ANKRD17: variants seen among roughly 807,000 people sequenced by gnomAD.
ANKRD17 encodes the protein ankyrin repeat domain-containing protein 17.
Under a neutral mutation model 229.7 loss-of-function variants are expected in ANKRD17, and 19 were observed. The observed-to-expected ratio is 0.08, with a 90% CI of 0.06 to 0.12. The LOEUF is 0.12. ANKRD17 is among the 10% of genes least tolerant of loss of function. The pLI is 1.00. For missense variants in ANKRD17, 2,176 were observed against 3,176.8 expected, an observed-to-expected ratio of 0.68 and a Z score of 7.57; for synonymous variants, 1,112 against 1,146.1, an observed-to-expected ratio of 0.97 and a Z score of 0.60.
At chr4:73,094,380 C>A (rs533582032) in intron 27 of ANKRD17, 152 bp from the exon 28 acceptor site, 2 of 694,740 alleles carry the variant, frequency 2.9e-6, no homozygotes, top group Non-Finnish European at 4.6e-6. Context: ...TCTAGATGAA[C>A]AGAGAAAAGG....
At chr4:73,202,936 G>A (rs1293653850) in intron 1 of ANKRD17, among the ~76,000 whole-genome samples, 1 of 152,160 alleles carries the variant, frequency 6.6e-6, no homozygotes, top group Non-Finnish European at 1.5e-5. Flanking sequence ...GAAACAATGA[G>A]AGAAATGAAG....
At chr4:73,094,878 TA>T (rs1462951794) in intron 27 of ANKRD17, among the ~76,000 whole-genome samples, 1 of 152,066 alleles carries the variant, frequency 6.6e-6, no homozygotes, top group Non-Finnish European at 1.5e-5. Context: ...AGAGTGATGT[TA>T]AAAATTCATG....
intron 2 of ANKRD17, among the ~76,000 whole-genome samples, chr4:73,162,035 T>G (rs998988336): frequency 3.3e-5 from 5 of 150,812 alleles, no homozygotes; most frequent in Non-Finnish European, 5.9e-5. Flanking sequence ...ACCACCACAC[T>G]AGGCTGATTT....
intron 1 of ANKRD17, among the ~76,000 whole-genome samples, chr4:73,190,110 T>G (rs1736853649): frequency 6.6e-6 from 1 of 152,192 alleles, no homozygotes; most frequent in Non-Finnish European, 1.5e-5. Context: ...GGCTTACACC[T>G]GTAATCCTAG....
intron 15 of ANKRD17, 130 bp from the exon 16 acceptor site, chr4:73,135,395 A>C: frequency 1.3e-6 from 1 of 782,396 alleles, no homozygotes; most frequent in East Asian, 3.0e-5. Flanking sequence ...TAGCACTAAT[A>C]ACTAATTTTC....
At chr4:73,179,460 GTATA>G (rs569691576) in intron 1 of ANKRD17, among the ~76,000 whole-genome samples, 1 of 84,574 alleles carries the variant, frequency 1.2e-5, no homozygotes, top group East Asian at 3.6e-4. Flanking sequence ...GTGTATATAT[GTATA>G]TATGTGTGTG....
intron 2 of ANKRD17, among the ~76,000 whole-genome samples, chr4:73,171,831 T>G (rs772396971): frequency 2.8e-4 from 42 of 152,050 alleles, no homozygotes; most frequent in African/African-American, 8.4e-4. Flanking sequence ...AAGAAAGAAT[T>G]AGTGAGCTTG....
chr4:73,091,007 G>C lies in ANKRD17; in HGVS notation c.6621C>G (p.His2207Gln). Residue 2207 changes from histidine to glutamine, a missense_variant, in exon 29 of 34, where the codon CAC becomes CAG. His to Gln is a conservative substitution (Grantham distance 24). Coordinates refer to ENST00000358602, the MANE Select transcript of ANKRD17 (RefSeq NM_032217.5). ...AGGGAACACTGTGAGGTCTTTTAAT[G>C]TGATTGACACTGAGGACTGCAACAG... ...NSSVAVLSVN[H>Q]IKRPHSVPSS... The C allele has an allele frequency of 2.5e-6, 4 of 1,614,234 alleles. No individual in the cohort carries two copies. The highest frequency in any genetic ancestry group is 3.4e-6 in the Non-Finnish European group (4 of 1,180,036).
chr4:73,097,290 A>T lies in ANKRD17; in HGVS notation c.5022-18T>A. ...CTGACAATCTTTAACAAAGAGAGGG[A>T]AAGTACATTAAATATGGAACAGATG... On this transcript the variant is annotated intron_variant, in intron 26 of 33. Coordinates refer to ENST00000358602, the MANE Select transcript of ANKRD17 (RefSeq NM_032217.5). 2 of 1,556,150 alleles carry T rather than the reference A, an allele frequency of 1.3e-6. No homozygotes were observed. Among genetic ancestry groups the T allele is most frequent in the South Asian group, 1.2e-5 (1 of 80,904 alleles).
rs1212908678 is a variant in ANKRD17, at chr4:73,224,020, G to A, written c.393+34256C>T. On this transcript the variant is annotated intron_variant, in intron 1 of 33. Coordinates refer to ENST00000358602, the MANE Select transcript of ANKRD17 (RefSeq NM_032217.5). Reference sequence around the variant, plus strand: ...TAATCCCAGCACTTGGGGAGGCTGAGGCGAGCAGATCATTTGAGGCCAGGA... The same window carrying A: ...TAATCCCAGCACTTGGGGAGGCTGAAGCGAGCAGATCATTTGAGGCCAGGA... Among the ~76,000 whole-genome samples the A allele has an allele frequency of 3.9e-5, 6 of 152,270 alleles. No individual in the cohort carries two copies. In the East Asian group the frequency reaches 1.2e-3, roughly 29 times the overall value.
intron 1 of ANKRD17, among the ~76,000 whole-genome samples, chr4:73,214,752 C>T (rs772993615): frequency 2.0e-5 from 3 of 149,916 alleles, no homozygotes; most frequent in Admixed American, 6.7e-5. Flanking sequence ...GCCTGTAATG[C>T]TAGCGCTTTA....
At chr4:73,199,760 G>A (rs1057057617) in intron 1 of ANKRD17, among the ~76,000 whole-genome samples, 3 of 152,164 alleles carry the variant, frequency 2.0e-5, no homozygotes, top group East Asian at 1.9e-4. Context: ...CTCAATATGA[G>A]TAATAACTTC....
At chr4:73,128,426 G>A (rs1309674505) in intron 16 of ANKRD17, among the ~76,000 whole-genome samples, 1 of 152,056 alleles carries the variant, frequency 6.6e-6, no homozygotes, top group African/African-American at 2.4e-5. Flanking sequence ...ATTCTTCCAG[G>A]GTTTAAAGAG....
intron 1 of ANKRD17, among the ~76,000 whole-genome samples, chr4:73,207,134 A>G (rs980635084): frequency 2.0e-5 from 3 of 152,132 alleles, no homozygotes; most frequent in Admixed American, 2.0e-4. Flanking sequence ...AAGAGAGTAG[A>G]TTTTTAAGTG....
chr4:73,084,246 C>T (rs1343651616), intron 30 of ANKRD17, among the ~76,000 whole-genome samples: 1 of 151,984 alleles, frequency 6.6e-6, no homozygotes, highest in Non-Finnish European at 1.5e-5. Flanking sequence ...GGTGTGGTAG[C>T]ACATGCCTGT....
At chr4:73,176,113 A>T (rs988321022) in intron 2 of ANKRD17, among the ~76,000 whole-genome samples, 1 of 152,200 alleles carries the variant, frequency 6.6e-6, no homozygotes. Context: ...AGGAAAAAAA[A>T]TCTAATAATC....
chr4:73,206,760 AT>A (rs1355361217), intron 1 of ANKRD17, among the ~76,000 whole-genome samples: 3 of 152,192 alleles, frequency 2.0e-5, no homozygotes, highest in Non-Finnish European at 2.9e-5. Context: ...CAAGAGATCT[AT>A]TTACAGCATG....
intron 18 of ANKRD17, 144 bp from the exon 19 acceptor site, chr4:73,121,903 T>A: frequency 1.3e-6 from 1 of 763,426 alleles, no homozygotes; most frequent in Non-Finnish European, 1.9e-6. Context: ...AATCAGCCTC[T>A]AATGATAGCA....
At chr4:73,078,116 C>G (rs1017533332) in intron 31 of ANKRD17, among the ~76,000 whole-genome samples, 1 of 151,960 alleles carries the variant, frequency 6.6e-6, no homozygotes, top group Non-Finnish European at 1.5e-5. Context: ...CAGTGGCTCA[C>G]GCCTGTAATC....
Sources: allele counts gnomAD v4.1 joint callset (sites outside exome capture counted in the v4.1 genomes callset), GRCh38; gene constraint gnomAD v4.1.1; transcripts MANE v1.5; gene names NCBI Gene and HGNC (gene_info 2026-07-23, HGNC 2026-07-21).